MICAL2: variants seen among roughly 807,000 people sequenced by gnomAD.
MICAL2 encodes [F-actin]-monooxygenase MICAL2.
MICAL2 carries 77 observed loss-of-function variants against 127.3 expected under a neutral mutation model. That is an observed-to-expected ratio of 0.60 (90% confidence interval 0.50 to 0.73). The LOEUF is 0.73. Among genes scored for constraint, MICAL2 ranks in the 30% least tolerant of loss-of-function variants. The pLI, the probability that MICAL2 is intolerant of heterozygous loss-of-function variation, is 0.00. For missense variants in MICAL2, 1,351 were observed against 1,434.4 expected, an observed-to-expected ratio of 0.94 and a Z score of 0.94; for synonymous variants, 570 against 551.1, an observed-to-expected ratio of 1.03 and a Z score of -0.48.
chr11:12,112,661 C>T (rs996185351), intron 1 of MICAL2, among the ~76,000 whole-genome samples: 3 of 152,070 alleles, frequency 2.0e-5, no homozygotes, highest in African/African-American at 7.2e-5. Flanking sequence ...GCCCCTTCTT[C>T]CTTTAGGCCT....
At chr11:12,296,624 G>A (rs557781559), downstream of MICAL2, among the ~76,000 whole-genome samples, 1 of 150,458 alleles carries the variant, frequency 6.6e-6, no homozygotes, top group Non-Finnish European at 1.5e-5. Flanking sequence ...AAATCAAAGG[G>A]TACAAAAGGT....
intron 3 of MICAL2, among the ~76,000 whole-genome samples, chr11:12,174,666 G>A (rs1319094125): frequency 6.6e-6 from 1 of 151,762 alleles, no homozygotes; most frequent in Non-Finnish European, 1.5e-5. Flanking sequence ...GTATCAGTTT[G>A]AGTCTTTGTT....
intron 26 of MICAL2, chr11:12,261,776 G>C: frequency 2.0e-6 from 2 of 985,436 alleles, no homozygotes. Context: ...GGGAACTGGC[G>C]CCTCTGTCCT....
intron 29 of MICAL2, among the ~76,000 whole-genome samples, chr11:12,312,872 A>C (rs1217868595): frequency 2.0e-5 from 3 of 152,138 alleles, no homozygotes; most frequent in Non-Finnish European, 4.4e-5. Flanking sequence ...TAGGAGTCTT[A>C]AGATCTAGAG....
At chr11:12,118,495 T>C (rs958142265) in intron 1 of MICAL2, among the ~76,000 whole-genome samples, 3 of 152,210 alleles carry the variant, frequency 2.0e-5, no homozygotes, top group African/African-American at 7.2e-5. Context: ...CCCACAGGGC[T>C]GCAGAGACTT....
chr11:12,231,581 G>T (rs1229070012), intron 15 of MICAL2, among the ~76,000 whole-genome samples: 2 of 152,216 alleles, frequency 1.3e-5, no homozygotes, highest in Non-Finnish European at 2.9e-5. Flanking sequence ...GTTCTCCTCA[G>T]TACTGGGGAT....
At chr11:12,139,743 A>G (rs1400700181) in intron 2 of MICAL2, among the ~76,000 whole-genome samples, 1 of 152,220 alleles carries the variant, frequency 6.6e-6, no homozygotes, top group East Asian at 1.9e-4. Flanking sequence ...GAAACAGAAT[A>G]CAGAGTTTGT....
At chr11:12,146,507 G>A (rs1055920316) in intron 2 of MICAL2, among the ~76,000 whole-genome samples, 7 of 152,220 alleles carry the variant, frequency 4.6e-5, no homozygotes, top group Admixed American at 2.0e-4. Flanking sequence ...CAAAGCCACA[G>A]TGAGATACCA....
intron 32 of MICAL2, among the ~76,000 whole-genome samples, chr11:12,333,303 T>C (rs1938684801): frequency 6.6e-6 from 1 of 151,600 alleles, no homozygotes; most frequent in Non-Finnish European, 1.5e-5. Context: ...GTCTTTTCAA[T>C]AGAAGAAGGA....
intron 33 of MICAL2, among the ~76,000 whole-genome samples, chr11:12,352,879 CAGT>C (rs1188858967): frequency 6.6e-6 from 1 of 152,210 alleles, no homozygotes; most frequent in Non-Finnish European, 1.5e-5. Flanking sequence ...ATGGGAACAT[CAGT>C]GCAAAGACTG....
At chr11:12,190,062 A>T (rs1034605825) in intron 3 of MICAL2, among the ~76,000 whole-genome samples, 1 of 152,188 alleles carries the variant, frequency 6.6e-6, no homozygotes. Context: ...GTGTAAGGTG[A>T]CCCACATGGA....
intron 32 of MICAL2, among the ~76,000 whole-genome samples, chr11:12,335,594 A>G (rs1261975956): frequency 6.6e-6 from 1 of 152,146 alleles, no homozygotes; most frequent in Non-Finnish European, 1.5e-5. Context: ...TAGGTCTAAC[A>G]TGTAAGTCTT....
rs548896397 is a variant in MICAL2 at position 12,315,764 on chromosome 11, C to T, written c.5213-3932C>T. ...TGAAATAGGTCAAGTTGTTTAATAG[C>T]GTGTACAAGTCGCATACTCTTACTT... On this transcript the variant is annotated intron_variant, in intron 29 of 34. Coordinates refer to the MICAL2 transcript ENST00000646065. Among the ~76,000 whole-genome samples the T allele has an allele frequency of 1.2e-3, 176 of 152,110 alleles. 1 individual carries two copies. Among genetic ancestry groups the T allele is most frequent in the Non-Finnish European group, 2.3e-3 (157 of 68,000 alleles).
intron 2 of MICAL2, among the ~76,000 whole-genome samples, chr11:12,152,361 A>G (rs527981525): frequency 6.6e-6 from 1 of 151,696 alleles, no homozygotes; most frequent in African/African-American, 2.4e-5. Context: ...CAAAGACTAC[A>G]TCCTGATGTG....
intron 17 of MICAL2, 146 bp from the exon 18 acceptor site, chr11:12,240,894 G>A (rs1378420342): frequency 1.7e-5 from 18 of 1,039,338 alleles, no homozygotes; most frequent in Non-Finnish European, 2.4e-5. Context: ...CCCGGCTTGC[G>A]GGAGCTCAGC....
At chr11:12,221,866 T>C (rs1856854825) in intron 10 of MICAL2, 107 bp downstream of exon 10, 2 of 769,286 alleles carry the variant, frequency 2.6e-6, no homozygotes, top group African/African-American at 1.7e-5. Flanking sequence ...AGCCTCTGCC[T>C]CCTCCATTCT....
chr11:12,213,199 C>G, intron 6 of MICAL2, 56 bp from the exon 7 acceptor site: 1 of 1,533,004 alleles, frequency 6.5e-7, no homozygotes. Context: ...TAATCATTTT[C>G]AGTTTTCACA....
rs1343303077 is a variant in MICAL2 at position 12,262,428 on chromosome 11, G to A, written c.3335-52G>A. Reference sequence around the variant, plus strand: ...TCATTTCCTTTTTTCCCCACACTAAGCTCTCTTTTCTATCTTTCTCTCTCT... The same window carrying A: ...TCATTTCCTTTTTTCCCCACACTAAACTCTCTTTTCTATCTTTCTCTCTCT... On this transcript the variant is annotated intron_variant, in intron 26 of 27. Transcript: ENST00000683283. 7 of 1,610,492 alleles carry A rather than the reference G, an allele frequency of 4.3e-6. No individual in the cohort carries two copies. In the Admixed American group the frequency reaches 1.2e-4, roughly 27 times the overall value.
chr11:12,153,908 G>C (rs1031383914), intron 2 of MICAL2, among the ~76,000 whole-genome samples: 3 of 152,212 alleles, frequency 2.0e-5, no homozygotes, highest in Non-Finnish European at 2.9e-5. Context: ...GGTTTTGTTG[G>C]TAAGATGAGC....
Sources: allele counts gnomAD v4.1 joint callset (sites outside exome capture counted in the v4.1 genomes callset), GRCh38; gene constraint gnomAD v4.1.1; transcripts MANE v1.5; gene names NCBI Gene and HGNC (gene_info 2026-07-23, HGNC 2026-07-21).